The following CALN1 variants were observed in gnomAD, a reference collection of about 807,000 sequenced individuals.
CALN1 encodes calcium-binding protein 8.
In CALN1, 17 loss-of-function variants were observed where a neutral mutation model predicts 30.6. The observed-to-expected ratio is 0.56, with a 90% CI of 0.38 to 0.83. CALN1 has a LOEUF of 0.83. Among genes scored for constraint, CALN1 ranks in the 40% least tolerant of loss-of-function variants. CALN1 has a pLI of 0.00. For synonymous variants in CALN1, 156 were observed against 131.4 expected (o/e 1.19, Z -1.28); for missense variants, 291 against 354.9 (o/e 0.82, Z 1.45).
chr7:72,307,595 G>C (rs1246447970), intron 2 of CALN1, among the ~76,000 whole-genome samples: 2 of 152,208 alleles, frequency 1.3e-5, no homozygotes, highest in African/African-American at 4.8e-5. Context: ...TATTATCTGG[G>C]CAATGCGACT....
chr7:72,345,037 A>G (rs1802564524), intron 2 of CALN1, among the ~76,000 whole-genome samples: 1 of 148,032 alleles, frequency 6.8e-6, no homozygotes, highest in Non-Finnish European at 1.5e-5. Flanking sequence ...GGCACATGTT[A>G]TATATTATAT....
At chr7:72,005,424 G>A (rs938136783) in intron 5 of CALN1, among the ~76,000 whole-genome samples, 1 of 152,082 alleles carries the variant, frequency 6.6e-6, no homozygotes, top group Non-Finnish European at 1.5e-5. Context: ...GAACTCCCAG[G>A]CTGAAGCCAC....
chr7:72,168,176 G>GCTA (rs1433377884), intron 3 of CALN1, among the ~76,000 whole-genome samples: 1 of 151,062 alleles, frequency 6.6e-6, no homozygotes, highest in Non-Finnish European at 1.5e-5. Flanking sequence ...CTCCCCTGAA[G>GCTA]CTAGCATTAA....
intron 4 of CALN1, among the ~76,000 whole-genome samples, chr7:72,083,406 C>T (rs887430628): frequency 2.6e-5 from 4 of 151,230 alleles, no homozygotes; most frequent in Non-Finnish European, 5.9e-5. Flanking sequence ...TAGTGAGACC[C>T]CCATCTCTAC....
intron 3 of CALN1, among the ~76,000 whole-genome samples, chr7:72,148,333 C>T (rs71551249): frequency 0.099 from 14,554 of 147,244 alleles, 1,243 homozygotes; most frequent in East Asian, 0.4. Flanking sequence ...TTTGGGAGGC[C>T]GAGGTGGGAG....
At chr7:72,041,771 C>T (rs1447130262) in intron 4 of CALN1, among the ~76,000 whole-genome samples, 1 of 152,106 alleles carries the variant, frequency 6.6e-6, no homozygotes, top group Non-Finnish European at 1.5e-5. Flanking sequence ...GGGGGTGGGT[C>T]TTTCTCGTGC....
rs183424880 is a variant in CALN1 at position 71,884,067 on chromosome 7, C to T, written c.502-73575G>A. Among the ~76,000 whole-genome samples the T allele has an allele frequency of 2.0e-5, 3 of 152,222 alleles. No homozygotes were observed. In the East Asian group the frequency reaches 5.8e-4, roughly 29 times the overall value. ...TAGCTGGGACTACAGGTGTGCGCCA[C>T]CACGCCCAGCTAATTTTTTGTATTT... On this transcript the variant is annotated intron_variant, in intron 5 of 6. Coordinates refer to ENST00000395275, the MANE Select transcript of CALN1 (RefSeq NM_031468.4).
chr7:72,207,461 G>C (rs560397399), intron 3 of CALN1, among the ~76,000 whole-genome samples: 45 of 151,390 alleles, frequency 3.0e-4, no homozygotes, highest in Non-Finnish European at 6.2e-4. Flanking sequence ...CAGCCAGTTT[G>C]TTTATTTAGT....
At chr7:72,211,862 T>C (rs1015158601) in intron 3 of CALN1, among the ~76,000 whole-genome samples, 34 of 152,066 alleles carry the variant, frequency 2.2e-4, no homozygotes, top group African/African-American at 7.7e-4. Context: ...AATATGATAG[T>C]GTTGTGCAGA....
intron 3 of CALN1, among the ~76,000 whole-genome samples, chr7:72,132,332 A>C (rs1186541529): frequency 6.6e-6 from 1 of 152,188 alleles, no homozygotes; most frequent in African/African-American, 2.4e-5. Context: ...TGAGTATCTC[A>C]TGTAATTTCT....
chr7:72,050,099 G>A (rs761108408), intron 4 of CALN1, among the ~76,000 whole-genome samples: 9 of 152,024 alleles, frequency 5.9e-5, no homozygotes, highest in East Asian at 3.9e-4. Context: ...GGTTTCAGGC[G>A]TGAGGCCCCT....
At chr7:72,279,091 C>T (rs1291372801) in intron 2 of CALN1, among the ~76,000 whole-genome samples, 1 of 152,286 alleles carries the variant, frequency 6.6e-6, no homozygotes, top group Non-Finnish European at 1.5e-5. Context: ...TGGCACACCA[C>T]ATCACCATCG....
chr7:71,928,107 G>A lies in CALN1; in HGVS notation c.501+95550C>T, dbSNP rs190645877. ...CAGAAGTGACACTCATCTCCTCTCTGTCTTCAATATGGAGGAGGGCTTTCT... is the reference window on the plus strand; with the variant it reads ...CAGAAGTGACACTCATCTCCTCTCTATCTTCAATATGGAGGAGGGCTTTCT... On this transcript the variant is annotated intron_variant, in intron 5 of 6. Coordinates refer to ENST00000395275, the MANE Select transcript of CALN1 (RefSeq NM_031468.4). Among the ~76,000 whole-genome samples, 14 of 152,234 alleles carry A rather than the reference G, an allele frequency of 9.2e-5. No homozygotes were observed. The East Asian group carries it at 1.9e-3, about 21-fold the overall frequency.
At chr7:72,057,435 C>T (rs1484506615) in intron 4 of CALN1, among the ~76,000 whole-genome samples, 1 of 131,304 alleles carries the variant, frequency 7.6e-6, no homozygotes, top group African/African-American at 3.0e-5. Context: ...GGAATCTGTC[C>T]CAATGAAGTG....
At chr7:72,232,536 C>A (rs1214457749) in intron 3 of CALN1, among the ~76,000 whole-genome samples, 1 of 152,188 alleles carries the variant, frequency 6.6e-6, no homozygotes, top group African/African-American at 2.4e-5. Flanking sequence ...TCTTGGCTCA[C>A]TACAACCTCC....
chr7:72,143,736 T>C (rs1242953247), intron 3 of CALN1, among the ~76,000 whole-genome samples: 2 of 152,136 alleles, frequency 1.3e-5, no homozygotes, highest in Non-Finnish European at 2.9e-5. Context: ...AAAGGTCGGG[T>C]TACCCACAAA....
chr7:72,025,420 A>T (rs1249708511), intron 4 of CALN1, among the ~76,000 whole-genome samples: 1 of 152,218 alleles, frequency 6.6e-6, no homozygotes, highest in Non-Finnish European at 1.5e-5. Flanking sequence ...AAGGTCAAGG[A>T]CTTGGTCTGA....
intron 2 of CALN1, chr7:72,337,069 G>A (rs1398073436): frequency 5.1e-6 from 5 of 985,582 alleles, no homozygotes; most frequent in East Asian, 1.1e-4. Flanking sequence ...CGCTCCCGCT[G>A]GCCGCGCGGG....
intron 3 of CALN1, among the ~76,000 whole-genome samples, chr7:72,188,402 C>CA (rs1240258136): frequency 8.5e-5 from 13 of 152,194 alleles, no homozygotes; most frequent in African/African-American, 2.9e-4. Flanking sequence ...GCATTTGCAG[C>CA]AACATGGATG....
Sources: gnomAD v4.1 joint callset for allele counts (sites outside exome capture counted in the v4.1 genomes callset) on GRCh38, gnomAD v4.1.1 for gene constraint, MANE v1.5 for transcripts, NCBI Gene and HGNC (gene_info 2026-07-23, HGNC 2026-07-21) for gene names.